The following MED13L variants were observed in gnomAD, a reference collection of about 807,000 sequenced individuals.
MED13L encodes mediator of RNA polymerase II transcription subunit 13-like.
MED13L carries 7 observed loss-of-function variants against 220.9 expected under a neutral mutation model. That is an observed-to-expected ratio of 0.03 (90% CI 0.02 to 0.06). The LOEUF is 0.06. Among genes scored for constraint, MED13L ranks in the 10% least tolerant of loss-of-function variants. The probability of loss-of-function intolerance (pLI) is 1.00; values close to 1 mark genes in which losing one functional copy is unlikely to be tolerated. For missense variants in MED13L, 1,965 were observed against 2,760.5 expected (o/e 0.71, Z 6.46); for synonymous variants, 1,011 against 1,015.2 (o/e 1.00, Z 0.08).
rs1028257099 is a variant in MED13L, at chr12:115,983,440, A to G, written c.4632T>C (p.Asn1544=). 3 of 1,614,208 alleles carry G rather than the reference A, an allele frequency of 1.9e-6. No individual in the cohort carries two copies. The highest frequency in any genetic ancestry group is 2.5e-6 in the Non-Finnish European group (3 of 1,180,014). Residue 1544 remains asparagine, a synonymous_variant, in exon 21 of 31, where the codon AAT becomes AAC. Transcript: ENST00000281928. The part of the protein sequence containing the change: ...AAAQGQATPG[N]AGPLAPNGSA... Reference sequence around the variant, plus strand: ...ATCCATTTGGAGCTAAGGGCCCAGCATTCCCTGGCGTAGCTTGTCCCTGTG... The same window carrying G: ...ATCCATTTGGAGCTAAGGGCCCAGCGTTCCCTGGCGTAGCTTGTCCCTGTG...
At chr12:116,232,879 G>A (rs1869704411) in intron 2 of MED13L, among the ~76,000 whole-genome samples, 1 of 152,140 alleles carries the variant, frequency 6.6e-6, no homozygotes, top group Non-Finnish European at 1.5e-5. Context: ...TTGAGGTTGG[G>A]AGTTTGAGAT....
At chr12:116,238,555 T>C (rs903682182) in intron 1 of MED13L, among the ~76,000 whole-genome samples, 14 of 152,212 alleles carry the variant, frequency 9.2e-5, no homozygotes, top group African/African-American at 3.4e-4. Flanking sequence ...GATTCATAAT[T>C]TAATTCTGTA....
chr12:116,039,931 G>C (rs2137537486), intron 4 of MED13L, among the ~76,000 whole-genome samples: 1 of 152,266 alleles, frequency 6.6e-6, no homozygotes, highest in East Asian at 1.9e-4. Flanking sequence ...AAAGGCAGTA[G>C]GGTGAGTGAG....
chr12:116,165,762 T>C (rs1412257150), intron 2 of MED13L, among the ~76,000 whole-genome samples: 1 of 152,192 alleles, frequency 6.6e-6, no homozygotes, highest in African/African-American at 2.4e-5. Context: ...GCTTAAAATA[T>C]GTAACATGGA....
intron 2 of MED13L, among the ~76,000 whole-genome samples, chr12:116,128,549 CAGGCAACTTTAACTT>C (rs1465446021): frequency 2.6e-5 from 4 of 152,034 alleles, no homozygotes; most frequent in African/African-American, 9.7e-5. Context: ...GTTTTAAAAT[CAGGCAACTTTAACTT>C]ATAAAACTTC....
At position 115,986,365 on chromosome 12, in the gene MED13L, C is replaced by G. The variant is rs890537526; in HGVS notation, c.4239G>C (p.Gly1413=). ...FWERLLLDPY[G]GHRDVAYIVV... is the part of the protein sequence containing the mutation. ...CAATATAGGCAACATCACGGTGGCC[C>G]CCATATGGGTCCAACAAGAGCCTCT... Residue 1413 remains glycine, a synonymous_variant, in exon 19 of 31, where the codon GGG becomes GGC. Coordinates refer to ENST00000281928, the MANE Select transcript of MED13L (RefSeq NM_015335.5). 1.2e-6 allele frequency: 2 copies of G among 1,614,076 alleles called. No homozygotes were observed. Among genetic ancestry groups the G allele is most frequent in the African/African-American group, 2.7e-5 (2 of 75,012 alleles).
At chr12:115,997,724 T>C (rs551571663) in intron 14 of MED13L, among the ~76,000 whole-genome samples, 2 of 152,304 alleles carry the variant, frequency 1.3e-5, no homozygotes, top group East Asian at 1.9e-4. Flanking sequence ...GCCTGGACTT[T>C]TCTTGGTCTT....
chr12:116,025,422 C>T (rs1880328893), intron 4 of MED13L, among the ~76,000 whole-genome samples: 1 of 152,198 alleles, frequency 6.6e-6, no homozygotes, highest in South Asian at 2.1e-4. Context: ...GAAGAGTTAT[C>T]TGCACTCCCT....
At chr12:116,032,501 A>G (rs1295047436) in intron 4 of MED13L, among the ~76,000 whole-genome samples, 1 of 152,154 alleles carries the variant, frequency 6.6e-6, no homozygotes, top group East Asian at 1.9e-4. Flanking sequence ...CAAATTGCCT[A>G]TTGCTCTCTC....
rs1187268603 is a variant in MED13L at position 116,008,455 on chromosome 12, C to G, written c.1958G>C (p.Gly653Ala). The G allele has an allele frequency of 1.2e-6, 2 of 1,613,012 alleles. No homozygotes were observed. Among genetic ancestry groups the G allele is most frequent in the East Asian group, 2.2e-5 (1 of 44,852 alleles). ...DAEFRPPELQGERCDAKMEVN... is the reference protein window; with the variant it reads ...DAEFRPPELQAERCDAKMEVN... ...CTCCATTTTGGCATCACATCTCTCA[C>G]CCTGGAGCTCTGGAGGCCTGAACTC... is the stretch of plus-strand genomic sequence containing the variant. The change falls in exon 10 of 31, where the codon GGT (glycine) becomes GCT (alanine). Residue 653 changes from glycine to alanine, a missense_variant. By Grantham distance (60) the Gly-to-Ala change is moderately conservative. Coordinates refer to ENST00000281928, the MANE Select transcript of MED13L (RefSeq NM_015335.5).
intron 4 of MED13L, among the ~76,000 whole-genome samples, chr12:116,062,128 G>A (rs1307181704): frequency 6.6e-6 from 1 of 150,980 alleles, no homozygotes; most frequent in Non-Finnish European, 1.5e-5. Flanking sequence ...TCTTTTTTCT[G>A]GGTATGGTGG....
intron 2 of MED13L, among the ~76,000 whole-genome samples, chr12:116,148,269 C>T (rs1439669673): frequency 6.6e-6 from 1 of 151,618 alleles, no homozygotes; most frequent in Non-Finnish European, 1.5e-5. Flanking sequence ...ACCGTCTCCC[C>T]TACAATTATA....
chr12:116,164,027 A>G (rs1354298820), intron 2 of MED13L, among the ~76,000 whole-genome samples: 8 of 152,246 alleles, frequency 5.3e-5, no homozygotes, highest in Admixed American at 5.2e-4. Context: ...ATAGTAAGAG[A>G]TGACCTATGT....
At chr12:116,172,237 A>T (rs1016945632) in intron 2 of MED13L, among the ~76,000 whole-genome samples, 2 of 152,220 alleles carry the variant, frequency 1.3e-5, no homozygotes, top group Non-Finnish European at 2.9e-5. Context: ...TCTAAAAAAG[A>T]ACCCAAGAGT....
chr12:116,222,276 G>A (rs1225451176), intron 2 of MED13L, among the ~76,000 whole-genome samples: 1 of 152,120 alleles, frequency 6.6e-6, no homozygotes, highest in Non-Finnish European at 1.5e-5. Flanking sequence ...AAATTTAAAT[G>A]TCTTGCCTGC....
chr12:116,032,439 C>A (rs2137503993), intron 4 of MED13L, among the ~76,000 whole-genome samples: 1 of 152,246 alleles, frequency 6.6e-6, no homozygotes, highest in East Asian at 1.9e-4. Context: ...CAGAAATCAA[C>A]CCTCCAATGG....
chr12:116,183,526 T>A (rs1880668180), intron 2 of MED13L, among the ~76,000 whole-genome samples: 2 of 152,216 alleles, frequency 1.3e-5, no homozygotes, highest in Admixed American at 1.3e-4. Flanking sequence ...AATATCTCCT[T>A]ATAAAATCCT....
chr12:116,182,592 G>A (rs1202949956), intron 2 of MED13L, among the ~76,000 whole-genome samples: 1 of 152,112 alleles, frequency 6.6e-6, no homozygotes, highest in African/African-American at 2.4e-5. Context: ...ACAGCTTACT[G>A]AAGAACACTG....
intron 4 of MED13L, among the ~76,000 whole-genome samples, chr12:116,054,459 CTTCT>C (rs1868778887): frequency 6.6e-6 from 1 of 152,194 alleles, no homozygotes; most frequent in Non-Finnish European, 1.5e-5. Flanking sequence ...ACCTGTATAC[CTTCT>C]TTGAGTACCT....
Sources: allele counts gnomAD v4.1 joint callset (sites outside exome capture counted in the v4.1 genomes callset), GRCh38; gene constraint gnomAD v4.1.1; transcripts MANE v1.5; gene names NCBI Gene and HGNC (gene_info 2026-07-23, HGNC 2026-07-21).